KANK1: variants seen among roughly 807,000 people sequenced by gnomAD.
The protein encoded by KANK1 is KN motif and ankyrin repeat domains 1.
In KANK1, 109 loss-of-function variants were observed where a neutral mutation model predicts 106.2. The ratio of observed to expected loss-of-function variants is 1.03; its 90% confidence interval spans 0.88 to 1.20. The LOEUF (loss-of-function observed/expected upper bound fraction) is 1.20, where lower values mean the gene tolerates loss of function less well. Ranked by LOEUF, KANK1 falls within the 50% of genes most tolerant of loss-of-function variation. The pLI, the probability that KANK1 is intolerant of heterozygous loss-of-function variation, is 0.00. For synonymous variants in KANK1, 873 were observed against 652.2 expected, an observed-to-expected ratio of 1.34 and a Z score of -5.16; for missense variants, 2,399 against 1,710.7, an observed-to-expected ratio of 1.40 and a Z score of -7.10.
intron 1 of KANK1, among the ~76,000 whole-genome samples, chr9:576,404 C>T (rs892281486): frequency 6.6e-6 from 1 of 152,218 alleles, no homozygotes; most frequent in Non-Finnish European, 1.5e-5. Context: ...GGTAAGAAAG[C>T]AGAAGAGGAA....
intron 1 of KANK1, among the ~76,000 whole-genome samples, chr9:551,607 T>C (rs2061285977): frequency 6.6e-6 from 1 of 152,184 alleles, no homozygotes; most frequent in African/African-American, 2.4e-5. Context: ...ATGGTTACTC[T>C]CACCTGTGCT....
chr9:590,196 G>C (rs1423080242), intron 1 of KANK1, among the ~76,000 whole-genome samples: 2 of 152,116 alleles, frequency 1.3e-5, no homozygotes, highest in Non-Finnish European at 2.9e-5. Context: ...TGCTTTTTAG[G>C]GGGTACATGG....
chr9:620,935 A>G (rs1833003453), intron 1 of KANK1, among the ~76,000 whole-genome samples: 1 of 152,190 alleles, frequency 6.6e-6, no homozygotes, highest in Non-Finnish European at 1.5e-5. Context: ...ATCAAATTCC[A>G]GATTGGAAAT....
At chr9:680,296 C>T (rs377277423) in intron 2 of KANK1, among the ~76,000 whole-genome samples, 7 of 152,108 alleles carry the variant, frequency 4.6e-5, no homozygotes, top group African/African-American at 1.7e-4. Flanking sequence ...ATACATCCGA[C>T]GACTGATCAT....
chr9:689,409 C>G (rs1819340920), intron 2 of KANK1, among the ~76,000 whole-genome samples: 1 of 152,128 alleles, frequency 6.6e-6, no homozygotes, highest in Non-Finnish European at 1.5e-5. Flanking sequence ...CGGGGCACAC[C>G]CTCCTCATGT....
intron 1 of KANK1, among the ~76,000 whole-genome samples, chr9:649,734 A>G (rs375611345): frequency 2.0e-5 from 3 of 152,128 alleles, no homozygotes; most frequent in Admixed American, 6.5e-5. Context: ...ACTGTGAGCT[A>G]TGTGTTAAGC....
chr9:541,123 G>GAAA (rs150120914), intron 1 of KANK1, among the ~76,000 whole-genome samples: 26 of 145,284 alleles, frequency 1.8e-4, no homozygotes, highest in East Asian at 7.9e-4. Flanking sequence ...GTTGAAAAAC[G>GAAA]AAAAAAAAAC....
In KANK1 at chr9:740,939, G is replaced by C. The variant is rs753874755; in HGVS notation, c.3696+5G>C. ...GTGAATGCCAAAGCTAGTCAGGTTA[G>C]TGCGCCTGGTTCCTGTGCTCAGGAA... On this transcript the variant is annotated splice_donor_5th_base_variant and intron_variant, in intron 9 of 11. Coordinates refer to ENST00000382297, the MANE Select transcript of KANK1 (RefSeq NM_015158.5). 6.2e-7 allele frequency: 1 copy of C among 1,613,860 alleles called. No homozygotes were observed. Among genetic ancestry groups the C allele is most frequent in the East Asian group, 2.2e-5 (1 of 44,884 alleles).
At chr9:657,272 G>A (rs80276130) in intron 1 of KANK1, among the ~76,000 whole-genome samples, 2,023 of 152,284 alleles carry the variant, frequency 0.013, 46 homozygotes, top group African/African-American at 0.046. Context: ...GCATTCATCT[G>A]TTAATGGACT....
chr9:679,794 A>C (rs1346590722), intron 2 of KANK1, among the ~76,000 whole-genome samples: 1 of 152,224 alleles, frequency 6.6e-6, no homozygotes, highest in African/African-American at 2.4e-5. Flanking sequence ...CCTAGAAATA[A>C]ATGTCTTCCT....
intron 1 of KANK1, among the ~76,000 whole-genome samples, chr9:653,856 G>A (rs925952668): frequency 1.3e-5 from 2 of 152,178 alleles, no homozygotes; most frequent in African/African-American, 4.8e-5. Flanking sequence ...GTTTACAGTT[G>A]CTGTTAGATT....
At chr9:634,623 C>G (rs1402314651) in intron 1 of KANK1, among the ~76,000 whole-genome samples, 2 of 152,166 alleles carry the variant, frequency 1.3e-5, no homozygotes, top group Non-Finnish European at 2.9e-5. Flanking sequence ...GTTTCAGCAC[C>G]TGAACAAGGA....
intron 1 of KANK1, among the ~76,000 whole-genome samples, chr9:666,300 G>C (rs114934387): frequency 9.2e-5 from 14 of 152,074 alleles, no homozygotes; most frequent in South Asian, 4.2e-4. Context: ...ACTGAATTTT[G>C]TATGTTGGCT....
chr9:734,215 C>G (rs7867979), intron 6 of KANK1: 42,693 of 151,892 alleles, frequency 0.28, 6,921 homozygotes, highest in Non-Finnish European at 0.38. Flanking sequence ...TGTCACCCTC[C>G]CAAACAAGGC....
chr9:558,918 G>A (rs1040554619), intron 1 of KANK1: 1 of 151,922 alleles, frequency 6.6e-6, no homozygotes, highest in South Asian at 2.1e-4. Flanking sequence ...TTCGTGAAGC[G>A]TTCCTTAATA....
chr9:724,904 A>G (rs560930350), intron 3 of KANK1, among the ~76,000 whole-genome samples: 1 of 152,360 alleles, frequency 6.6e-6, no homozygotes, highest in East Asian at 1.9e-4. Flanking sequence ...TGGAGAAGGA[A>G]AAATGAAGAT....
intron 1 of KANK1, among the ~76,000 whole-genome samples, chr9:629,649 C>G (rs1032058822): frequency 1.1e-4 from 16 of 152,182 alleles, no homozygotes; most frequent in African/African-American, 3.9e-4. Flanking sequence ...ACCTGATTCT[C>G]CCTTCTCCCA....
chr9:615,445 G>A lies in KANK1; in HGVS notation c.-83-61445G>A, dbSNP rs139032302. ...GTGGGAGAAAGCCTTACCTGTGATG[G>A]TTTGAGTACCCACATTTTAAAATTA... On this transcript the variant is annotated intron_variant, in intron 1 of 11. Coordinates refer to ENST00000382297, the MANE Select transcript of KANK1 (RefSeq NM_015158.5). Among the ~76,000 whole-genome samples the A allele has an allele frequency of 9.7e-4, 148 of 152,128 alleles. No homozygotes were observed. The Middle Eastern group carries it at 0.01, about 10-fold the overall frequency.
intron 1 of KANK1, among the ~76,000 whole-genome samples, chr9:625,894 C>T (rs1245782810): frequency 6.6e-6 from 1 of 152,102 alleles, no homozygotes. Flanking sequence ...AACCACTCCC[C>T]ACGGTCCCCA....
Sources: allele counts gnomAD v4.1 joint callset (sites outside exome capture counted in the v4.1 genomes callset), GRCh38; gene constraint gnomAD v4.1.1; transcripts MANE v1.5; gene names NCBI Gene and HGNC (gene_info 2026-07-23, HGNC 2026-07-21).